PID1: variants seen among roughly 807,000 people sequenced by gnomAD.
PID1 encodes the protein PTB-containing, cubilin and LRP1-interacting protein.
In PID1, 10 loss-of-function variants were observed where a neutral mutation model predicts 19.1. The ratio of observed to expected loss-of-function variants is 0.52; its 90% CI spans 0.32 to 0.89. The LOEUF (loss-of-function observed/expected upper bound fraction) is 0.89, where lower values mean the gene tolerates loss of function less well. PID1 is among the 40% of genes least tolerant of loss of function. PID1 has a pLI of 0.03. For synonymous variants in PID1, 130 were observed against 116.0 expected, an observed-to-expected ratio of 1.12 and a Z score of -0.78; for missense variants, 248 against 285.3, an observed-to-expected ratio of 0.87 and a Z score of 0.94.
intron 1 of PID1, among the ~76,000 whole-genome samples, chr2:229,158,904 G>T (rs756228484): frequency 1.3e-5 from 2 of 152,030 alleles, no homozygotes; most frequent in African/African-American, 2.4e-5. Flanking sequence ...AGCATAGAGA[G>T]TAGAAAGATG....
intron 1 of PID1, among the ~76,000 whole-genome samples, chr2:229,239,310 A>C (rs1408432013): frequency 6.6e-6 from 1 of 152,120 alleles, no homozygotes; most frequent in Non-Finnish European, 1.5e-5. Context: ...AGAAGTTTAT[A>C]GTCATTGGTT....
chr2:229,080,687 G>C (rs1012816343), intron 2 of PID1, among the ~76,000 whole-genome samples: 1 of 152,144 alleles, frequency 6.6e-6, no homozygotes, highest in Non-Finnish European at 1.5e-5. Flanking sequence ...CCATTAGCAC[G>C]GTGCAGGATG....
chr2:229,081,483 AG>A (rs1694668132), intron 2 of PID1, among the ~76,000 whole-genome samples: 1 of 152,234 alleles, frequency 6.6e-6, no homozygotes, highest in Non-Finnish European at 1.5e-5. Flanking sequence ...AAATTTGGCC[AG>A]GATGCTTCAA....
intron 1 of PID1, among the ~76,000 whole-genome samples, chr2:229,220,025 CTT>C (rs373977308): frequency 6.3e-5 from 9 of 143,416 alleles, no homozygotes; most frequent in Non-Finnish European, 7.7e-5. Flanking sequence ...TTTGGGGACT[CTT>C]TTTTTTTTTT....
At chr2:229,071,373 T>G (rs76365433) in intron 2 of PID1, among the ~76,000 whole-genome samples, 2,706 of 152,338 alleles carry the variant, frequency 0.018, 32 homozygotes, top group Non-Finnish European at 0.029. Context: ...TTGTTGGGGT[T>G]GTTGCTGATG....
intron 1 of PID1, among the ~76,000 whole-genome samples, chr2:229,264,995 G>A (rs557365120): frequency 5.9e-5 from 9 of 152,258 alleles, no homozygotes; most frequent in South Asian, 2.1e-4. Flanking sequence ...CCTACTATAC[G>A]CTACATACCA....
intron 2 of PID1, among the ~76,000 whole-genome samples, chr2:229,035,802 C>T (rs1428063924): frequency 6.6e-6 from 1 of 152,140 alleles, no homozygotes; most frequent in African/African-American, 2.4e-5. Flanking sequence ...AAGGCCTAGT[C>T]AGGGACAGCA....
chr2:229,195,990 A>G (rs987928447), intron 1 of PID1, among the ~76,000 whole-genome samples: 8 of 152,124 alleles, frequency 5.3e-5, no homozygotes, highest in African/African-American at 1.9e-4. Context: ...AGAATCCAAG[A>G]ATTGTAAAAG....
chr2:229,152,965 G>A (rs988085439), intron 2 of PID1, among the ~76,000 whole-genome samples: 6 of 152,140 alleles, frequency 3.9e-5, no homozygotes, highest in African/African-American at 7.2e-5. Context: ...AGCTGGGCCC[G>A]GGCTACATTG....
intron 2 of PID1, among the ~76,000 whole-genome samples, chr2:229,133,523 G>A (rs1689788294): frequency 6.6e-6 from 1 of 152,214 alleles, no homozygotes; most frequent in Non-Finnish European, 1.5e-5. Flanking sequence ...CAACCCAGAT[G>A]AAAACTATGT....
intron 2 of PID1, among the ~76,000 whole-genome samples, chr2:229,031,237 ATATTGT>A (rs1418978862): frequency 6.6e-6 from 1 of 150,590 alleles, no homozygotes; most frequent in Non-Finnish European, 1.5e-5. Flanking sequence ...AAAAAAAGAA[ATATTGT>A]TAACAAGTTG....
chr2:229,031,903 AT>A (rs1222043437), intron 2 of PID1, among the ~76,000 whole-genome samples: 4 of 152,234 alleles, frequency 2.6e-5, no homozygotes, highest in African/African-American at 9.6e-5. Flanking sequence ...GCATTAACCC[AT>A]AATGTTGACT....
At chr2:229,060,369 T>C (rs139508480) in intron 2 of PID1, among the ~76,000 whole-genome samples, 91 of 152,228 alleles carry the variant, frequency 6.0e-4, no homozygotes, top group African/African-American at 2.1e-3. Context: ...CATCATACAG[T>C]ATTTGTCTTT....
At chr2:229,072,520 G>A (rs1354817989) in intron 2 of PID1, among the ~76,000 whole-genome samples, 1 of 152,050 alleles carries the variant, frequency 6.6e-6, no homozygotes, top group Admixed American at 6.5e-5. Context: ...CCCGGGAAGT[G>A]GAGGTTGCAG....
intron 2 of PID1, among the ~76,000 whole-genome samples, chr2:229,123,137 C>CA (rs371225567): frequency 4.0e-5 from 6 of 150,866 alleles, no homozygotes; most frequent in Admixed American, 6.6e-5. Flanking sequence ...TCTATCACTC[C>CA]AAAAAAAAAC....
intron 1 of PID1, among the ~76,000 whole-genome samples, chr2:229,242,468 T>G (rs746591435): frequency 9.9e-5 from 15 of 152,090 alleles, no homozygotes; most frequent in Non-Finnish European, 2.1e-4. Flanking sequence ...GCTGACTCCA[T>G]ATCTGGCCTC....
chr2:229,037,302 A>T (rs1316196148), intron 2 of PID1, among the ~76,000 whole-genome samples: 1 of 152,214 alleles, frequency 6.6e-6, no homozygotes, highest in Non-Finnish European at 1.5e-5. Flanking sequence ...ACCAAGACCC[A>T]ATATCAAGGA....
At chr2:229,121,184 A>C (rs998630887) in intron 2 of PID1, among the ~76,000 whole-genome samples, 3 of 152,214 alleles carry the variant, frequency 2.0e-5, no homozygotes, top group Admixed American at 6.5e-5. Flanking sequence ...CCTGAGAAAC[A>C]CATAGAATAT....
rs558072259 is a variant in PID1, at chr2:229,076,289, C to A, written c.178-50181G>T. ...TCCAGAATCCTCTGAATCTTCTCCC[C>A]AATCCTCAATCACTTCCCCACTGTC... On this transcript the variant is annotated intron_variant, in intron 2 of 2. Transcript: ENST00000392055. Among the ~76,000 whole-genome samples the A allele has an allele frequency of 1.4e-4, 22 of 152,244 alleles. No individual in the cohort carries two copies. The East Asian group carries it at 4.1e-3, about 28-fold the overall frequency.
Sources: allele counts gnomAD v4.1 joint callset (sites outside exome capture counted in the v4.1 genomes callset), GRCh38; gene constraint gnomAD v4.1.1; transcripts MANE v1.5; gene names NCBI Gene and HGNC (gene_info 2026-07-23, HGNC 2026-07-21).